JOSD1: variants seen among roughly 807,000 people sequenced by gnomAD.
JOSD1 encodes josephin-1.
A neutral mutation model predicts 24.3 loss-of-function variants in JOSD1; 11 were observed. The ratio of observed to expected loss-of-function variants is 0.45; its 90% CI spans 0.29 to 0.75. JOSD1 has a LOEUF of 0.75. Among genes scored for constraint, JOSD1 ranks in the 30% least tolerant of loss-of-function variants. The pLI is 0.11. For synonymous variants in JOSD1, 106 were observed against 93.8 expected (o/e 1.13, Z -0.75); for missense variants, 184 against 253.5 (o/e 0.73, Z 1.86).
In JOSD1 at chr22:38,700,276, G is replaced by A. The variant is rs1040233677; in HGVS notation, c.-289C>T. ...ACATAAAATGTAAGACCTTGTTTCCGTTTCCCCACCCTTCCCTCCCACCCC... is the reference window on the plus strand; with the variant it reads ...ACATAAAATGTAAGACCTTGTTTCCATTTCCCCACCCTTCCCTCCCACCCC... On this transcript the variant is annotated 5_prime_UTR_variant, in exon 2 of 5. The change creates a new upstream start codon in the 5' untranslated region. Coordinates refer to ENST00000683374, the MANE Select transcript of JOSD1 (RefSeq NM_001360236.2). 18 of 1,069,078 alleles carry A rather than the reference G, an allele frequency of 1.7e-5. No individual in the cohort carries two copies. The African/African-American group carries it at 2.7e-4, about 16-fold the overall frequency. 66.2% of individuals were successfully genotyped at this position (1,069,078 alleles called of 1,614,324 possible).
rs1891954525 is a variant in JOSD1 at position 38,686,243 on chromosome 22, T to C, written c.*1659A>G. 1 of 152,420 alleles carries C rather than the reference T, an allele frequency of 6.6e-6. No individual in the cohort carries two copies. 9.4% of individuals were successfully genotyped at this position (152,420 alleles called of 1,614,324 possible). ...GCATTAAAAAAACGGCCTTGTTGGA[T>C]TGAAGATACATGTGCAGAAAAAGTG... On this transcript the variant is annotated 3_prime_UTR_variant, in exon 5 of 5. Coordinates refer to ENST00000683374, the MANE Select transcript of JOSD1 (RefSeq NM_001360236.2).
At position 38,700,493 on chromosome 22, in the gene JOSD1, C is replaced by G. The variant is rs918950197; in HGVS notation, c.-506G>C. ...CACGAGTCGAGTAGCTAGCGCGGGC[C>G]GGCAGGCGTGGGACCGCGAGCCGCG... On this transcript the variant is annotated 5_prime_UTR_variant, in exon 2 of 5. Coordinates refer to ENST00000683374, the MANE Select transcript of JOSD1 (RefSeq NM_001360236.2). The G allele has an allele frequency of 3.8e-5, 37 of 985,968 alleles. No homozygotes were observed. The highest frequency in any genetic ancestry group is 4.7e-5 in the South Asian group (1 of 21,426). The allele number at this position is 985,968 out of a possible 1,614,324, so 61.1% of individuals were successfully genotyped here.
chr22:38,692,714 G>A (rs2092528227), intron 2 of JOSD1, among the ~76,000 whole-genome samples: 1 of 143,662 alleles, frequency 7.0e-6, no homozygotes, highest in African/African-American at 2.6e-5. Context: ...CCGGGAGGCA[G>A]AGGTTGCAGT....
chr22:38,690,914 A>G (rs2092519035), intron 2 of JOSD1, among the ~76,000 whole-genome samples: 1 of 152,070 alleles, frequency 6.6e-6, no homozygotes, highest in South Asian at 2.1e-4. Flanking sequence ...TCAACTACTC[A>G]GGAGACTGAG....
chr22:38,692,677 A>G (rs915813478), intron 2 of JOSD1, among the ~76,000 whole-genome samples: 2 of 146,250 alleles, frequency 1.4e-5, no homozygotes, highest in East Asian at 4.4e-4. Context: ...GCTACTCGGG[A>G]GGCTGAGGCA....
intron 2 of JOSD1, among the ~76,000 whole-genome samples, chr22:38,692,474 G>A (rs577843281): frequency 3.3e-5 from 5 of 152,202 alleles, no homozygotes; most frequent in East Asian, 1.9e-4. Flanking sequence ...GTACTCACAC[G>A]TTTGGATTAA....
chr22:38,700,763 G>C lies in JOSD1; in HGVS notation c.-632+37C>G, dbSNP rs2092565896. 5 of 984,578 alleles carry C rather than the reference G, an allele frequency of 5.1e-6. No homozygotes were observed. The Admixed American group carries it at 1.8e-4, about 36-fold the overall frequency. 61.0% of individuals were successfully genotyped at this position (984,578 alleles called of 1,614,324 possible). On this transcript the variant is annotated intron_variant, in intron 1 of 4. Coordinates refer to ENST00000683374, the MANE Select transcript of JOSD1 (RefSeq NM_001360236.2). ...CCGGACAGTCAGCCTCGCGCTCCCG[G>C]GCCCGCGCCCACCCGGCTCGCAGCC...
chr22:38,700,239 A>G lies in JOSD1; in HGVS notation c.-252T>C. ...TTTGCTACCACTGTCAAAGTGCAGAATTTAAAAAAACACATAAAATGTAAG... is the reference window on the plus strand; with the variant it reads ...TTTGCTACCACTGTCAAAGTGCAGAGTTTAAAAAAACACATAAAATGTAAG... On this transcript the variant is annotated 5_prime_UTR_variant, in exon 2 of 5. Transcript: ENST00000683374. 1 of 1,178,486 alleles carries G rather than the reference A, an allele frequency of 8.5e-7. No individual in the cohort carries two copies. The highest frequency in any genetic ancestry group is 1.1e-6 in the Non-Finnish European group (1 of 952,252). 73.0% of individuals were successfully genotyped at this position (1,178,486 alleles called of 1,614,324 possible).
Position 38,700,093 on chromosome 22 carries a change from T to A in JOSD1, c.-106A>T. On this transcript the variant is annotated 5_prime_UTR_variant, in exon 2 of 5. Coordinates refer to ENST00000683374, the MANE Select transcript of JOSD1 (RefSeq NM_001360236.2). ...TTCCGGATTCCTGAGGTCCACCTTA[T>A]TCTCTGGTGTCCATGATTTATGCTT... is the stretch of plus-strand genomic sequence containing the variant. The A allele has an allele frequency of 1.4e-6, 2 of 1,469,786 alleles. No individual in the cohort carries two copies. Among genetic ancestry groups the A allele is most frequent in the Non-Finnish European group, 1.8e-6 (2 of 1,112,564 alleles). 91.0% of individuals were successfully genotyped at this position (1,469,786 alleles called of 1,614,324 possible).
At chr22:38,693,367 A>C (rs2145810821) in intron 2 of JOSD1, among the ~76,000 whole-genome samples, 1 of 152,278 alleles carries the variant, frequency 6.6e-6, no homozygotes, top group African/African-American at 2.4e-5. Context: ...TCTGAAACAG[A>C]TTCCTAAAAA....
In JOSD1 at chr22:38,685,733, G is replaced by T. The variant is rs1021444177; in HGVS notation, c.*2169C>A. On this transcript the variant is annotated 3_prime_UTR_variant, in exon 5 of 5. Transcript: ENST00000683374. The stretch of plus-strand genomic sequence containing the variant: ...AAGCAAGAAAAACAAAAAGCCTAGG[G>T]TTGCCCGTTATTGGGCATCAGGGTC... The T allele has an allele frequency of 6.6e-6, 1 of 152,604 alleles. No homozygotes were observed. The highest frequency in any genetic ancestry group is 2.4e-5 in the African/African-American group (1 of 41,438). The allele number at this position is 152,604 out of a possible 1,614,324, so 9.5% of individuals were successfully genotyped here.
At position 38,686,622 on chromosome 22, in the gene JOSD1, ACCAGC is replaced by A. The variant is rs2092499236; in HGVS notation, c.*1275_*1279del. On this transcript the variant is annotated 3_prime_UTR_variant, in exon 5 of 5. Transcript: ENST00000683374. ...ACAGAGAGGAAACGACATGAAGATG[ACCAGC>A]CCAGGTCCTATTCCATCCATACAGC... The A allele has an allele frequency of 6.6e-6, 1 of 152,240 alleles. No homozygotes were observed. The highest frequency in any genetic ancestry group is 2.4e-5 in the African/African-American group (1 of 41,448). The allele number at this position is 152,240 out of a possible 1,614,324, so 9.4% of individuals were successfully genotyped here. A position where few individuals can be genotyped will look rare whatever the true frequency, so the allele number is the denominator to read the frequency against.
intron 4 of JOSD1, among the ~76,000 whole-genome samples, chr22:38,688,347 C>T (rs1433261234): frequency 6.6e-6 from 1 of 152,234 alleles, no homozygotes; most frequent in South Asian, 2.1e-4. Context: ...ACTGCAACCT[C>T]TGCCTCCCAG....
chr22:38,695,535 C>A (rs2092542328), intron 2 of JOSD1, among the ~76,000 whole-genome samples: 1 of 151,152 alleles, frequency 6.6e-6, no homozygotes, highest in African/African-American at 2.4e-5. Context: ...GCAGCCTCGA[C>A]CTCCTGGACT....
At chr22:38,689,242 A>G in intron 3 of JOSD1, 54 bp downstream of exon 3, 2 of 1,610,320 alleles carry the variant, frequency 1.2e-6, no homozygotes, top group Non-Finnish European at 1.7e-6. Flanking sequence ...AAGTACTAAA[A>G]GCTTATACCA....
chr22:38,688,036 G>A (rs1396286074), intron 4 of JOSD1, 35 bp from the exon 5 acceptor site: 17 of 1,518,110 alleles, frequency 1.1e-5, no homozygotes, highest in Non-Finnish European at 1.6e-5. Flanking sequence ...TGAAATGCTG[G>A]CAAGTTGCAA....
intron 2 of JOSD1, among the ~76,000 whole-genome samples, chr22:38,698,244 G>T (rs945913404): frequency 6.6e-5 from 10 of 152,158 alleles, no homozygotes; most frequent in African/African-American, 2.4e-4. Context: ...AGTGCCCCAG[G>T]TCCTGAAGAG....
In JOSD1 at chr22:38,688,556, T is replaced by G. The variant is rs570229164; in HGVS notation, c.509+379A>C. Among the ~76,000 whole-genome samples the G allele has an allele frequency of 3.9e-5, 6 of 152,254 alleles. No individual in the cohort carries two copies. The East Asian group carries it at 1.2e-3, about 29-fold the overall frequency. ...GAGATTACAGGCGTGAGCAATCGCCTCTAAAGAACTTTTACAAATGTTCTT... is the reference window on the plus strand; with the variant it reads ...GAGATTACAGGCGTGAGCAATCGCCGCTAAAGAACTTTTACAAATGTTCTT... On this transcript the variant is annotated intron_variant, in intron 4 of 4. Transcript: ENST00000683374.
chr22:38,690,198 G>A (rs886560271), intron 2 of JOSD1, among the ~76,000 whole-genome samples: 1 of 152,078 alleles, frequency 6.6e-6, no homozygotes, highest in African/African-American at 2.4e-5. Context: ...AAGGGTTCAA[G>A]GGGCATACCT....
Sources: gnomAD v4.1 joint callset for allele counts (sites outside exome capture counted in the v4.1 genomes callset) on GRCh38, gnomAD v4.1.1 for gene constraint, MANE v1.5 for transcripts, NCBI Gene and HGNC (gene_info 2026-07-23, HGNC 2026-07-21) for gene names.